Variants in TRHR observed in about 807,000 individuals in gnomAD.
The protein encoded by TRHR is thyrotropin releasing hormone receptor.
A neutral mutation model predicts 28.0 loss-of-function variants in TRHR; 14 were observed. The observed-to-expected ratio is 0.50, with a 90% confidence interval of 0.33 to 0.78. TRHR has a LOEUF of 0.78. Among genes scored for constraint, TRHR ranks in the 30% least tolerant of loss-of-function variants. The probability of loss-of-function intolerance (pLI) is 0.02; values close to 1 mark genes in which losing one functional copy is unlikely to be tolerated. For missense variants in TRHR, 438 were observed against 469.5 expected, an observed-to-expected ratio of 0.93 and a Z score of 0.62; for synonymous variants, 176 against 171.9, an observed-to-expected ratio of 1.02 and a Z score of -0.18.
Position 109,119,185 on chromosome 8 carries a change from T to G in TRHR, c.927T>G (p.Ile309Met), listed in dbSNP as rs755236670. The change falls in exon 3 of 3, where the codon ATT becomes ATG. Residue 309 changes from isoleucine to methionine, a missense_variant. Ile to Met is a conservative substitution (Grantham distance 10). Transcript: ENST00000518632. ...NWFLLFCRIC[I>M]YLNSAINPVI... ...TTTTGCTCTTTTGCAGAATTTGCATTTATCTCAACAGTGCCATCAACCCGG... is the reference window on the plus strand; with the variant it reads ...TTTTGCTCTTTTGCAGAATTTGCATGTATCTCAACAGTGCCATCAACCCGG... 14 of 1,612,864 alleles carry G rather than the reference T, an allele frequency of 8.7e-6. No homozygotes were observed. The highest frequency in any genetic ancestry group is 1.2e-5 in the Non-Finnish European group (14 of 1,179,250).
intron 2 of TRHR, among the ~76,000 whole-genome samples, chr8:109,101,873 A>G (rs1480396845): frequency 6.6e-6 from 1 of 152,178 alleles, no homozygotes; most frequent in Non-Finnish European, 1.5e-5. Context: ...AGTAGAAAAG[A>G]AACTCTGGAA....
At chr8:109,087,058 T>A (rs1811444109) in intron 1 of TRHR, among the ~76,000 whole-genome samples, 175 bp downstream of exon 1, 1 of 152,246 alleles carries the variant, frequency 6.6e-6, no homozygotes, top group Non-Finnish European at 1.5e-5. Context: ...TCCTCTGGTA[T>A]CTTTTTCTTC....
At chr8:109,109,677 GCTCA>G (rs1799278888) in intron 2 of TRHR, among the ~76,000 whole-genome samples, 2 of 152,062 alleles carry the variant, frequency 1.3e-5, no homozygotes, top group Admixed American at 6.6e-5. Context: ...AGAAAGCAAG[GCTCA>G]CTATCACTTG....
chr8:109,109,876 G>A (rs1811804073), intron 2 of TRHR, among the ~76,000 whole-genome samples: 1 of 152,176 alleles, frequency 6.6e-6, no homozygotes, highest in Admixed American at 6.5e-5. Flanking sequence ...GAGAAGCAGA[G>A]CTCTGTTGAT....
In TRHR at chr8:109,119,257, G is replaced by T. The variant is rs955666670; in HGVS notation, c.999G>T (p.Lys333Asn). The T allele has an allele frequency of 1.9e-6, 3 of 1,612,624 alleles. No individual in the cohort carries two copies. In the African/African-American group the frequency reaches 4.0e-5, roughly 22 times the overall value. ...MSQKFRAAFR[K>N]LCNCKQKPTE... Reference sequence around the variant, plus strand: ...AGAAATTCCGTGCAGCCTTCAGAAAGCTCTGCAACTGCAAGCAGAAGCCAA... The same window carrying T: ...AGAAATTCCGTGCAGCCTTCAGAAATCTCTGCAACTGCAAGCAGAAGCCAA... The change falls in exon 3 of 3, where the codon AAG becomes AAT. Residue 333 changes from lysine to asparagine, a missense_variant. Physicochemically the swap from Lys to Asn is moderately conservative, Grantham distance 94. Coordinates refer to ENST00000518632, the MANE Select transcript of TRHR (RefSeq NM_003301.7).
intron 2 of TRHR, among the ~76,000 whole-genome samples, chr8:109,109,866 G>A (rs1425497235): frequency 1.3e-5 from 2 of 152,186 alleles, no homozygotes; most frequent in South Asian, 2.1e-4. Flanking sequence ...ACACCAGAGT[G>A]AGAAGCAGAG....
chr8:109,089,959 T>C (rs1453076175), intron 2 of TRHR, among the ~76,000 whole-genome samples: 1 of 152,234 alleles, frequency 6.6e-6, no homozygotes, highest in African/African-American at 2.4e-5. Context: ...TCAGCATTAA[T>C]ATGCTTTAAT....
At chr8:109,090,437 C>T (rs1811501516) in intron 2 of TRHR, among the ~76,000 whole-genome samples, 1 of 152,310 alleles carries the variant, frequency 6.6e-6, no homozygotes. Flanking sequence ...TTTGGAAATA[C>T]ATTCTGAGCA....
intron 2 of TRHR, among the ~76,000 whole-genome samples, chr8:109,093,709 A>C (rs1407147448): frequency 1.3e-5 from 2 of 151,768 alleles, no homozygotes; most frequent in South Asian, 2.1e-4. Context: ...CGGCCTATTT[A>C]CTTTTTAAAG....
chr8:109,095,483 T>C (rs745355703), intron 2 of TRHR, among the ~76,000 whole-genome samples: 2 of 152,134 alleles, frequency 1.3e-5, no homozygotes, highest in Non-Finnish European at 2.9e-5. Context: ...AAGCAAGCTA[T>C]GGAAGGGAAG....
intron 2 of TRHR, among the ~76,000 whole-genome samples, chr8:109,101,473 G>A (rs896550781): frequency 6.6e-6 from 1 of 152,082 alleles, no homozygotes; most frequent in Non-Finnish European, 1.5e-5. Context: ...AGCCTCATTT[G>A]TATATCTATA....
At position 109,119,203 on chromosome 8, in the gene TRHR, C is replaced by T. The variant is rs1489752478; in HGVS notation, c.945C>T (p.Ile315=). 1 of 1,612,930 alleles carries T rather than the reference C, an allele frequency of 6.2e-7. No homozygotes were observed. The highest frequency in any genetic ancestry group is 1.7e-5 in the Admixed American group (1 of 59,896). Residue 315 remains isoleucine, a synonymous_variant, in exon 3 of 3, where the codon ATC becomes ATT. Coordinates refer to ENST00000518632, the MANE Select transcript of TRHR (RefSeq NM_003301.7). ...CRICIYLNSA[I]NPVIYNLMSQ... ...TTTGCATTTATCTCAACAGTGCCAT[C>T]AACCCGGTGATTTACAATCTCATGT...
At chr8:109,088,499 T>A (rs960560312) in intron 2 of TRHR, among the ~76,000 whole-genome samples, 198 bp downstream of exon 2, 1 of 152,150 alleles carries the variant, frequency 6.6e-6, no homozygotes, top group Admixed American at 6.5e-5. Context: ...TAGGGAAAAT[T>A]TGATAGCACA....
At chr8:109,096,412 T>G (rs949321744) in intron 2 of TRHR, among the ~76,000 whole-genome samples, 9 of 152,230 alleles carry the variant, frequency 5.9e-5, no homozygotes, top group African/African-American at 1.7e-4. Flanking sequence ...ACACATGTGC[T>G]TTAGTAATTC....
At position 109,086,868 on chromosome 8, in the gene TRHR, C is replaced by G. The variant is rs953129168; in HGVS notation, c.-104C>G. 3.2e-5 allele frequency: 5 copies of G among 153,850 alleles called. No homozygotes were observed. The highest frequency in any genetic ancestry group is 1.2e-4 in the African/African-American group (5 of 41,422). 9.5% of individuals were successfully genotyped at this position (153,850 alleles called of 1,614,324 possible). A position where few individuals can be genotyped will look rare whatever the true frequency, so the allele number is the denominator to read the frequency against. On this transcript the variant is annotated 5_prime_UTR_variant, in exon 1 of 3. Coordinates refer to ENST00000518632, the MANE Select transcript of TRHR (RefSeq NM_003301.7). ...TTCATCTACCCAGAAAATCAGGCAG[C>G]GCTACAGAGGATAAGGTAAGAGAAG...
intron 2 of TRHR, among the ~76,000 whole-genome samples, chr8:109,098,321 G>A (rs764489820): frequency 1.3e-5 from 2 of 151,468 alleles, no homozygotes; most frequent in African/African-American, 2.4e-5. Flanking sequence ...GTATAAAGAC[G>A]AGGTCTCACT....
intron 2 of TRHR, among the ~76,000 whole-genome samples, chr8:109,116,603 G>T (rs1327513330): frequency 1.3e-5 from 2 of 152,072 alleles, no homozygotes; most frequent in Non-Finnish European, 2.9e-5. Flanking sequence ...GGTGTTTATA[G>T]TACATTCTGA....
At chr8:109,095,627 AGT>A (rs1169835921) in intron 2 of TRHR, among the ~76,000 whole-genome samples, 1 of 152,146 alleles carries the variant, frequency 6.6e-6, no homozygotes, top group African/African-American at 2.4e-5. Flanking sequence ...CTGAGTCTTC[AGT>A]GTGTAGCTTC....
At chr8:109,113,359 T>A (rs1300284661) in intron 2 of TRHR, among the ~76,000 whole-genome samples, 2 of 152,048 alleles carry the variant, frequency 1.3e-5, no homozygotes, top group Non-Finnish European at 2.9e-5. Flanking sequence ...ATAACTCCAG[T>A]CTAACCATGA....
Sources: allele counts gnomAD v4.1 joint callset (sites outside exome capture counted in the v4.1 genomes callset), GRCh38; gene constraint gnomAD v4.1.1; transcripts MANE v1.5; gene names NCBI Gene and HGNC (gene_info 2026-07-23, HGNC 2026-07-21).